The following PPFIA4 variants were observed in gnomAD, a reference collection of about 807,000 sequenced individuals.
PPFIA4 encodes the protein PPFI scaffold protein A4.
Under a neutral mutation model 145.7 loss-of-function variants are expected in PPFIA4, and 98 were observed. That is an observed-to-expected ratio of 0.67 (90% CI 0.57 to 0.80). The LOEUF (loss-of-function observed/expected upper bound fraction) is 0.80, where lower values mean the gene tolerates loss of function less well. PPFIA4 is among the 30% of genes least tolerant of loss of function. The pLI is 0.00. For synonymous variants in PPFIA4, 628 were observed against 649.6 expected, an observed-to-expected ratio of 0.97 and a Z score of 0.51; for missense variants, 1,457 against 1,632.7, an observed-to-expected ratio of 0.89 and a Z score of 1.85.
At chr1:203,071,805 CT>C (rs1423392175) in intron 28 of PPFIA4, 45 bp downstream of exon 28, 20 of 1,505,648 alleles carry the variant, frequency 1.3e-5, no homozygotes, top group Non-Finnish European at 1.8e-5. Context: ...ATTTGGTCAT[CT>C]TCGTTGGATT....
chr1:203,030,351 C>A (rs1238271238), intron 1 of PPFIA4, among the ~76,000 whole-genome samples: 1 of 152,036 alleles, frequency 6.6e-6, no homozygotes, highest in Non-Finnish European at 1.5e-5. Context: ...CCTAGAGGAG[C>A]GCTGCTGGGA....
intron 1 of PPFIA4, among the ~76,000 whole-genome samples, chr1:203,029,430 C>G (rs968189533): frequency 1.8e-4 from 27 of 152,240 alleles, no homozygotes; most frequent in Non-Finnish European, 7.3e-5. Flanking sequence ...CAGCACTGAC[C>G]CCCTGGCTGT....
intron 28 of PPFIA4, among the ~76,000 whole-genome samples, chr1:203,073,010 C>A (rs1662278287): frequency 6.6e-6 from 1 of 150,764 alleles, no homozygotes; most frequent in Admixed American, 6.7e-5. Context: ...TTGTTGCTGT[C>A]TGGAGAAATG....
At chr1:203,071,847 A>C (rs1662193916) in intron 28 of PPFIA4, 87 bp downstream of exon 28, 3 of 1,172,010 alleles carry the variant, frequency 2.6e-6, no homozygotes, top group Non-Finnish European at 3.8e-6. Context: ...TCCCTGGGCT[A>C]ATTGTTGGAA....
Position 203,052,547 on chromosome 1 carries a change from A to C in PPFIA4, c.1620+670A>C, listed in dbSNP as rs187947728. On this transcript the variant is annotated intron_variant, in intron 14 of 29. Transcript: ENST00000295706. ...TCAGGGGAAGATTCACTCTGCCCTT[A>C]AGAAATCCTCAGTCCGATGGGGGAG... Among the ~76,000 whole-genome samples the C allele has an allele frequency of 5.3e-4, 80 of 152,258 alleles. 1 individual carries two copies. Among genetic ancestry groups the C allele is most frequent in the African/African-American group, 1.8e-3 (74 of 41,538 alleles).
intron 28 of PPFIA4, among the ~76,000 whole-genome samples, chr1:203,073,537 A>G (rs1662313905): frequency 1.3e-5 from 2 of 149,514 alleles, no homozygotes; most frequent in South Asian, 4.3e-4. Context: ...GTCCAAGGAG[A>G]CTGCTTCCTG....
chr1:203,027,354 G>A (rs957984450), intron 1 of PPFIA4, among the ~76,000 whole-genome samples: 1 of 152,220 alleles, frequency 6.6e-6, no homozygotes, highest in African/African-American at 2.4e-5. Flanking sequence ...TTTTGATGGT[G>A]GGTGGGAAGA....
chr1:203,028,597 G>A (rs1658591896), intron 1 of PPFIA4, among the ~76,000 whole-genome samples: 1 of 152,110 alleles, frequency 6.6e-6, no homozygotes, highest in African/African-American at 2.4e-5. Context: ...GGCTCCATAG[G>A]TGAGTTGCTG....
Position 203,048,843 on chromosome 1 carries a change from G to T in PPFIA4, c.1357-75G>T. 6.5e-7 allele frequency: 1 copy of T among 1,536,104 alleles called. No individual in the cohort carries two copies. The highest frequency in any genetic ancestry group is 1.2e-5 in the South Asian group (1 of 82,402). The stretch of plus-strand genomic sequence containing the variant: ...GGCCAGCCTGGAGAGGTGGGGCTGA[G>T]ACTGCACACCCAGAGGCTCAGGTCT... On this transcript the variant is annotated intron_variant, in intron 11 of 29. Transcript: ENST00000295706. The surrounding 1 kb of genome is among the most constrained non-coding windows in gnomAD (Gnocchi z 5.8).
chr1:203,038,914 A>C lies in PPFIA4; in HGVS notation c.-95A>C, dbSNP rs1350434439. 1 of 665,452 alleles carries C rather than the reference A, an allele frequency of 1.5e-6. No individual in the cohort carries two copies. Among genetic ancestry groups the C allele is most frequent in the Non-Finnish European group, 2.6e-6 (1 of 381,666 alleles). The allele number at this position is 665,452 out of a possible 1,614,324, so 41.2% of individuals were successfully genotyped here. A position where few individuals can be genotyped will look rare whatever the true frequency, so the allele number is the denominator to read the frequency against. Reference sequence around the variant, plus strand: ...CCTGTCCACTCGCCTGGCACTGCCCACTCTGAGACCCATGCACTGGGTTCC... The same window carrying C: ...CCTGTCCACTCGCCTGGCACTGCCCCCTCTGAGACCCATGCACTGGGTTCC... On this transcript the variant is annotated 5_prime_UTR_variant, in exon 2 of 30. Transcript: ENST00000295706.
rs1660720105 is a variant in PPFIA4 at position 203,053,901 on chromosome 1, A to G, written c.1769A>G (p.Asp590Gly). ...ADVVSPSGHS[D>G]AQTLAMMLQE... is the part of the protein sequence containing the mutation. ...GTTGTCTCCCCCAGCGGCCACTCAG[A>G]TGCCCAGACCCTGGCCATGATGCTG... Residue 590 changes from aspartate (D) to glycine (G), a missense_variant, in exon 15 of 30, where the codon GAT becomes GGT. Coordinates refer to ENST00000295706, the MANE Select transcript of PPFIA4 (RefSeq NM_001304331.2). 7 of 1,566,524 alleles carry G rather than the reference A, an allele frequency of 4.5e-6. No homozygotes were observed. Among genetic ancestry groups the G allele is most frequent in the Non-Finnish European group, 6.1e-6 (7 of 1,155,092 alleles).
chr1:203,071,655 C>T, intron 27 of PPFIA4, 37 bp from the exon 28 acceptor site: 2 of 1,516,754 alleles, frequency 1.3e-6, no homozygotes, highest in Admixed American at 1.7e-5. Flanking sequence ...AACTATAGCC[C>T]TTCCCACCTT....
Position 203,053,793 on chromosome 1 carries a change from C to A in PPFIA4, c.1661C>A (p.Ala554Glu). The change falls in exon 15 of 30, where the codon GCA becomes GAA. Residue 554 changes from alanine to glutamate, a missense_variant. Physicochemically the swap from Ala to Glu is moderately radical, Grantham distance 107 (BLOSUM62 -1). Coordinates refer to ENST00000295706, the MANE Select transcript of PPFIA4 (RefSeq NM_001304331.2). ...TSPLPGMLAPAAGPAFDSDPE... is the reference protein window; with the variant it reads ...TSPLPGMLAPEAGPAFDSDPE... ...CCACTGCCTGGGATGCTGGCCCCGG[C>A]AGCTGGCCCTGCCTTTGACAGTGAC... is the stretch of plus-strand genomic sequence containing the variant. 1 of 1,552,338 alleles carries A rather than the reference C, an allele frequency of 6.4e-7. No individual in the cohort carries two copies. The highest frequency in any genetic ancestry group is 8.7e-7 in the Non-Finnish European group (1 of 1,147,600).
chr1:203,064,632 A>G (rs2102681196), intron 25 of PPFIA4, among the ~76,000 whole-genome samples: 1 of 152,226 alleles, frequency 6.6e-6, no homozygotes, highest in South Asian at 2.1e-4. Context: ...AATCTTCACC[A>G]CTCAAATTGA....
At chr1:203,040,626 G>C (rs184533898) in intron 2 of PPFIA4, among the ~76,000 whole-genome samples, 18 of 152,354 alleles carry the variant, frequency 1.2e-4, no homozygotes, top group Non-Finnish European at 8.8e-5. Context: ...AGAGAATGCA[G>C]AGGAAGATAA....
chr1:203,041,418 C>T (rs1300156094), intron 2 of PPFIA4, among the ~76,000 whole-genome samples: 2 of 152,184 alleles, frequency 1.3e-5, no homozygotes, highest in Non-Finnish European at 2.9e-5. Context: ...GTGGCAAAAC[C>T]TCATCTCTAC....
Position 203,068,750 on chromosome 1 carries a change from T to C in PPFIA4, c.3324+122T>C. 4 of 1,030,120 alleles carry C rather than the reference T, an allele frequency of 3.9e-6. No homozygotes were observed. In the East Asian group the frequency reaches 1.2e-4, roughly 32 times the overall value. The allele number at this position is 1,030,120 out of a possible 1,614,324, so 63.8% of individuals were successfully genotyped here. On this transcript the variant is annotated intron_variant, in intron 27 of 29. Transcript: ENST00000295706. This position sits in a 1 kb window ranked among gnomAD's most constrained non-coding sequence, Gnocchi z 4.7. ...GGGTGGGGAGCTTTTCTAGGGCCTATGCCAGAGGGGATCGCAATGTCCTCA... is the reference window on the plus strand; with the variant it reads ...GGGTGGGGAGCTTTTCTAGGGCCTACGCCAGAGGGGATCGCAATGTCCTCA...
chr1:203,045,693 A>G, intron 7 of PPFIA4, 134 bp downstream of exon 7: 3 of 1,454,558 alleles, frequency 2.1e-6, no homozygotes, highest in Non-Finnish European at 2.8e-6. Flanking sequence ...CGGTCATGGA[A>G]GGGGTGGGCC....
Position 203,052,053 on chromosome 1 carries a change from C to CCACA in PPFIA4, c.1620+177_1620+178insACAC, listed in dbSNP as rs1553257084. 1.5e-4 allele frequency among the ~76,000 whole-genome samples: 22 copies of CCACA among 145,800 alleles called. 3 individuals carry two copies. Among genetic ancestry groups the CCACA allele is most frequent in the African/African-American group, 5.6e-4 (22 of 38,960 alleles). The stretch of plus-strand genomic sequence containing the variant: ...TCAGCTGCAACAGCTGTGCCCCCCC[C>CCACA]CCCGCTTGCCTTGGCCTCCTGGTGG... On this transcript the variant is annotated intron_variant, in intron 14 of 29. Coordinates refer to ENST00000295706, the MANE Select transcript of PPFIA4 (RefSeq NM_001304331.2).
Sources: allele counts gnomAD v4.1 joint callset (sites outside exome capture counted in the v4.1 genomes callset), GRCh38; gene constraint gnomAD v4.1.1; non-coding constraint Gnocchi (gnomAD v3.1); transcripts MANE v1.5; gene names NCBI Gene and HGNC (gene_info 2026-07-23, HGNC 2026-07-21).